The following CALD1 variants were observed in gnomAD, a reference collection of about 807,000 sequenced individuals.
CALD1 encodes caldesmon 1, also known as caldesmon.
In CALD1, 33 loss-of-function variants were observed where a neutral mutation model predicts 99.9. That is an observed-to-expected ratio of 0.33 (90% CI 0.25 to 0.44). The LOEUF is 0.44. CALD1 is among the 20% of genes least tolerant of loss of function. The pLI is 1.00. For missense variants in CALD1, 861 were observed against 962.1 expected (o/e 0.89, Z 1.39); for synonymous variants, 310 against 325.0 (o/e 0.95, Z 0.50).
rs139981326 is a variant in CALD1 at position 134,944,248 on chromosome 7, T to C, written c.1532+3011T>C. Among the ~76,000 whole-genome samples the C allele has an allele frequency of 4.2e-3, 647 of 152,300 alleles. 4 individuals carry two copies. Among genetic ancestry groups the C allele is most frequent in the African/African-American group, 0.015 (612 of 41,560 alleles). ...TGTAACTGGCATGAGCCTAGACCAA[T>C]AGTTCTAAATTTTTTAACCTAAGCC... On this transcript the variant is annotated intron_variant, in intron 7 of 14. Transcript: ENST00000361675.
intron 1 of CALD1, among the ~76,000 whole-genome samples, chr7:134,814,526 C>T (rs1371731050): frequency 6.6e-6 from 1 of 152,102 alleles, no homozygotes. Flanking sequence ...CAAGAACACA[C>T]AGAATTCTGG....
chr7:134,883,638 C>G (rs560901184), intron 3 of CALD1, among the ~76,000 whole-genome samples: 60 of 152,304 alleles, frequency 3.9e-4, no homozygotes, highest in African/African-American at 1.3e-3. Flanking sequence ...AAGCTTTCTT[C>G]TCCTACTCTA....
At position 134,753,812 on chromosome 7, in the gene CALD1, A is replaced by C. The variant is rs913430402; in HGVS notation, c.-130+9449A>C. On this transcript the variant is annotated intron_variant, in intron 1 of 13. Coordinates refer to the CALD1 transcript ENST00000417172. The stretch of plus-strand genomic sequence containing the variant: ...TATTGTCTATAATTTAACGCTTCTG[A>C]TACCCAGATGCCGGCTGATCCCTCC... 7.7e-4 allele frequency among the ~76,000 whole-genome samples: 117 copies of C among 152,138 alleles called. 1 individual carries two copies. Among genetic ancestry groups the C allele is most frequent in the African/African-American group, 2.8e-3 (114 of 41,428 alleles).
At chr7:134,857,373 G>A (rs529423293) in intron 2 of CALD1, among the ~76,000 whole-genome samples, 1 of 151,634 alleles carries the variant, frequency 6.6e-6, no homozygotes, top group African/African-American at 2.4e-5. Flanking sequence ...GTTTCACCGT[G>A]GTCTTGATCT....
At chr7:134,776,786 A>C (rs1209880215), upstream of CALD1, among the ~76,000 whole-genome samples, 1 of 152,192 alleles carries the variant, frequency 6.6e-6, no homozygotes, top group African/African-American at 2.4e-5. Context: ...AAATGAAGTA[A>C]CTAATTTTGA....
chr7:134,965,548 G>A (rs1563140163), intron 14 of CALD1, 162 bp downstream of exon 14: 3 of 542,550 alleles, frequency 5.5e-6, no homozygotes, highest in African/African-American at 3.8e-5. Context: ...GAAATGAAAA[G>A]CGCATTGCAA....
At position 134,831,094 on chromosome 7, in the gene CALD1, T is replaced by C. The variant is rs62462556; in HGVS notation, c.-129-12790T>C. 3.0e-3 allele frequency among the ~76,000 whole-genome samples: 458 copies of C among 152,326 alleles called. 3 individuals carry two copies. Among genetic ancestry groups the C allele is most frequent in the Middle Eastern group, 0.01 (3 of 294 alleles). ...CTGAAATACTCTCAGTGTCCAGTGATAAGGGAATGATTACATATAACTGTA... is the reference window on the plus strand; with the variant it reads ...CTGAAATACTCTCAGTGTCCAGTGACAAGGGAATGATTACATATAACTGTA... On this transcript the variant is annotated intron_variant, in intron 1 of 14. Coordinates refer to ENST00000361675, the MANE Select transcript of CALD1 (RefSeq NM_033138.4).
At chr7:134,856,752 C>A (rs62479514) in intron 2 of CALD1, among the ~76,000 whole-genome samples, 10,748 of 152,264 alleles carry the variant, frequency 0.071, 438 homozygotes, top group South Asian at 0.19. Flanking sequence ...AAAACAACCA[C>A]AACTACAAAT....
At chr7:134,834,021 T>C (rs1235235946) in intron 1 of CALD1, among the ~76,000 whole-genome samples, 1 of 152,208 alleles carries the variant, frequency 6.6e-6, no homozygotes, top group Non-Finnish European at 1.5e-5. Context: ...ATATCAAGTT[T>C]ATATGGATAG....
intron 1 of CALD1, among the ~76,000 whole-genome samples, chr7:134,834,012 T>C (rs1799333192): frequency 6.6e-6 from 1 of 152,238 alleles, no homozygotes; most frequent in Non-Finnish European, 1.5e-5. Flanking sequence ...GTTGAATGAA[T>C]ATCAAGTTTA....
intron 1 of CALD1, among the ~76,000 whole-genome samples, chr7:134,750,435 T>C (rs1430592772): frequency 2.0e-5 from 3 of 152,206 alleles, no homozygotes; most frequent in Non-Finnish European, 2.9e-5. Flanking sequence ...CACAAGTTTC[T>C]TTCCTAGTAG....
At chr7:134,928,428 C>CAAAAAAAAAAAAAAAAAAAAAAAAAA in intron 3 of CALD1, among the ~76,000 whole-genome samples, 1 of 55,650 alleles carries the variant, frequency 1.8e-5, no homozygotes, top group Non-Finnish European at 3.1e-5. Flanking sequence ...GACTGGGTCT[C>CAAAAAAAAAAAAAAAAAAAAAAAAAA]AAAAAAAAAA....
At position 134,794,759 on chromosome 7, in the gene CALD1, T is replaced by A. The variant is rs569471885; in HGVS notation, c.-130+15010T>A. Reference sequence around the variant, plus strand: ...GCCTCTGCCTCCCAAAGTACTAGGATTATACCATGCCCAGCCTGCTATAAG... The same window carrying A: ...GCCTCTGCCTCCCAAAGTACTAGGAATATACCATGCCCAGCCTGCTATAAG... On this transcript the variant is annotated intron_variant, in intron 1 of 14. Coordinates refer to ENST00000361675, the MANE Select transcript of CALD1 (RefSeq NM_033138.4). Among the ~76,000 whole-genome samples the A allele has an allele frequency of 2.6e-5, 4 of 152,328 alleles. No individual in the cohort carries two copies. In the East Asian group the frequency reaches 5.8e-4, roughly 22 times the overall value.
chr7:134,765,701 G>A (rs753258947), intron 1 of CALD1, among the ~76,000 whole-genome samples: 2 of 152,170 alleles, frequency 1.3e-5, no homozygotes, highest in African/African-American at 2.4e-5. Context: ...GGAGGTGATC[G>A]GATCATGGGG....
chr7:134,775,318 T>TA (rs1247835728), upstream of CALD1, among the ~76,000 whole-genome samples: 3 of 152,220 alleles, frequency 2.0e-5, no homozygotes, highest in African/African-American at 4.8e-5. Flanking sequence ...AATTGTTCTA[T>TA]AAAAAAACCT....
intron 1 of CALD1, among the ~76,000 whole-genome samples, chr7:134,793,142 G>A (rs528395828): frequency 6.6e-6 from 1 of 152,316 alleles, no homozygotes; most frequent in African/African-American, 2.4e-5. Flanking sequence ...AGGGAGGCAG[G>A]CGCTGAGAGG....
At chr7:134,867,830 T>G in intron 3 of CALD1, 26 bp downstream of exon 3, 2 of 1,456,436 alleles carry the variant, frequency 1.4e-6, no homozygotes, top group Non-Finnish European at 1.9e-6. Flanking sequence ...GAAAAATACT[T>G]GTATTCCCTT....
At chr7:134,820,441 G>A (rs369312229) in intron 1 of CALD1, among the ~76,000 whole-genome samples, 11 of 152,182 alleles carry the variant, frequency 7.2e-5, no homozygotes, top group East Asian at 1.9e-4. Flanking sequence ...AAATGCTTCC[G>A]GTCTAAAAGC....
chr7:134,745,845 T>G (rs1796630723), intron 1 of CALD1, among the ~76,000 whole-genome samples: 1 of 152,240 alleles, frequency 6.6e-6, no homozygotes, highest in Admixed American at 6.5e-5. Flanking sequence ...CCTTAATAGA[T>G]AAGCAATTCT....
Sources: gnomAD v4.1 joint callset for allele counts (sites outside exome capture counted in the v4.1 genomes callset) on GRCh38, gnomAD v4.1.1 for gene constraint, MANE v1.5 for transcripts, NCBI Gene and HGNC (gene_info 2026-07-23, HGNC 2026-07-21) for gene names.